CCSER1: variants seen among roughly 807,000 people sequenced by gnomAD.
CCSER1 encodes serine-rich coiled-coil domain-containing protein 1.
In CCSER1, 41 loss-of-function variants were observed where a neutral mutation model predicts 82.0. That is an observed-to-expected ratio of 0.50 (90% confidence interval 0.39 to 0.65). CCSER1 has a LOEUF of 0.65. CCSER1 is among the 30% of genes least tolerant of loss of function. The pLI, the probability that CCSER1 is intolerant of heterozygous loss-of-function variation, is 0.00. For synonymous variants in CCSER1, 414 were observed against 383.9 expected (o/e 1.08, Z -0.92); for missense variants, 1,119 against 1,064.2 (o/e 1.05, Z -0.72).
intron 6 of CCSER1, among the ~76,000 whole-genome samples, chr4:90,650,081 G>A (rs1293667612): frequency 2.6e-5 from 4 of 152,120 alleles, no homozygotes; most frequent in South Asian, 2.1e-4. Context: ...GCCGGGCATG[G>A]TGGCAGGCAC....
intron 1 of CCSER1, among the ~76,000 whole-genome samples, chr4:90,208,196 A>T (rs60201230): frequency 0.63 from 95,212 of 151,968 alleles, 31,541 homozygotes; most frequent in East Asian, 0.85. Context: ...GATGCCCTAC[A>T]CAGAGGGGAG....
intron 8 of CCSER1, among the ~76,000 whole-genome samples, chr4:90,865,802 G>A (rs1765660882): frequency 6.6e-6 from 1 of 151,558 alleles, no homozygotes; most frequent in Admixed American, 6.6e-5. Flanking sequence ...GCCTGTATTA[G>A]TCCATGCTTG....
chr4:91,498,047 A>C (rs563864667), intron 10 of CCSER1, among the ~76,000 whole-genome samples: 7 of 152,124 alleles, frequency 4.6e-5, no homozygotes, highest in Admixed American at 2.6e-4. Flanking sequence ...ATTAAGAAGC[A>C]CAGCTTCGCT....
At chr4:91,401,827 C>A (rs1306956185) in intron 10 of CCSER1, among the ~76,000 whole-genome samples, 1 of 152,098 alleles carries the variant, frequency 6.6e-6, no homozygotes, top group Non-Finnish European at 1.5e-5. Context: ...GGTTCCAAGT[C>A]TTTGCTATTG....
intron 5 of CCSER1, among the ~76,000 whole-genome samples, chr4:90,591,847 C>T (rs868371344): frequency 3.0e-4 from 45 of 152,244 alleles, no homozygotes; most frequent in African/African-American, 9.4e-4. Context: ...CGGAATGCCA[C>T]GCTGCCATAA....
intron 10 of CCSER1, among the ~76,000 whole-genome samples, chr4:91,269,213 T>A (rs927665055): frequency 2.0e-5 from 3 of 152,240 alleles, no homozygotes; most frequent in Non-Finnish European, 4.4e-5. Flanking sequence ...AGAGAGCTAA[T>A]ACTTTAATGT....
In CCSER1 at chr4:90,705,283, C is replaced by A. The variant is rs527788962; in HGVS notation, c.1933-18631C>A. ...GGTATCAGCAACAGAGGCTGCAGAA[C>A]AGCAAATATTGCTGAACAGCAAATG... On this transcript the variant is annotated intron_variant, in intron 6 of 10. Transcript: ENST00000509176. Among the ~76,000 whole-genome samples, 4 of 152,300 alleles carry A rather than the reference C, an allele frequency of 2.6e-5. No individual in the cohort carries two copies. In the South Asian group the frequency reaches 8.3e-4, roughly 32 times the overall value.
At chr4:90,935,844 C>G (rs1415849445) in intron 9 of CCSER1, among the ~76,000 whole-genome samples, 1 of 151,706 alleles carries the variant, frequency 6.6e-6, no homozygotes, top group East Asian at 1.9e-4. Context: ...ACACAATGTA[C>G]TATGTGGTTC....
At chr4:90,810,635 G>C (rs1385432863) in intron 7 of CCSER1, among the ~76,000 whole-genome samples, 8 of 145,148 alleles carry the variant, frequency 5.5e-5, no homozygotes, top group Non-Finnish European at 9.1e-5. Context: ...ACAAGAGCGA[G>C]ACTCCCTCTC....
rs576590840 is a variant in CCSER1, at chr4:91,310,623, CT to C, written c.2217+224635del. ...AATTCTGGTATTAGAATTAACACTC[CT>C]TTTTTGTTCTCTACCAAAATGGAGA... On this transcript the variant is annotated intron_variant, in intron 10 of 10. Coordinates refer to ENST00000509176, the MANE Select transcript of CCSER1 (RefSeq NM_001145065.2). 2.5e-4 allele frequency among the ~76,000 whole-genome samples: 38 copies of C among 151,962 alleles called. No individual in the cohort carries two copies. The South Asian group carries it at 4.6e-3, about 18-fold the overall frequency.
At chr4:90,608,580 C>T (rs1353637560) in intron 5 of CCSER1, among the ~76,000 whole-genome samples, 1 of 152,116 alleles carries the variant, frequency 6.6e-6, no homozygotes. Context: ...TCTTAGAATT[C>T]TGCCTCTTAT....
chr4:91,126,833 C>G (rs1279984104), intron 10 of CCSER1, among the ~76,000 whole-genome samples: 2 of 151,562 alleles, frequency 1.3e-5, no homozygotes, highest in African/African-American at 4.8e-5. Flanking sequence ...AGCAAGCACT[C>G]AACAAAAATC....
At chr4:90,424,308 T>A (rs1337595961) in intron 4 of CCSER1, among the ~76,000 whole-genome samples, 1 of 152,170 alleles carries the variant, frequency 6.6e-6, no homozygotes, top group Non-Finnish European at 1.5e-5. Flanking sequence ...TATTAATTCA[T>A]GTATCATTGC....
intron 5 of CCSER1, among the ~76,000 whole-genome samples, chr4:90,531,986 A>G (rs1330585236): frequency 6.6e-6 from 1 of 152,168 alleles, no homozygotes; most frequent in African/African-American, 2.4e-5. Flanking sequence ...CTAAATTCTT[A>G]GAATTTGATT....
At position 90,159,750 on chromosome 4, in the gene CCSER1, A is replaced by G. The variant is rs181893519; in HGVS notation, c.-42+31919A>G. On this transcript the variant is annotated intron_variant, in intron 1 of 10. Transcript: ENST00000509176. Reference sequence around the variant, plus strand: ...AGTTCTTTTGACTCAGGTGGTCAGTATTCTGTTCATTTTAATATAGTTACC... The same window carrying G: ...AGTTCTTTTGACTCAGGTGGTCAGTGTTCTGTTCATTTTAATATAGTTACC... Among the ~76,000 whole-genome samples, 18 of 152,262 alleles carry G rather than the reference A, an allele frequency of 1.2e-4. No homozygotes were observed. The East Asian group carries it at 2.5e-3, about 21-fold the overall frequency.
intron 10 of CCSER1, among the ~76,000 whole-genome samples, chr4:91,285,801 A>G (rs1223422721): frequency 6.6e-6 from 1 of 151,840 alleles, no homozygotes; most frequent in African/African-American, 2.4e-5. Flanking sequence ...CTCCTTGAGT[A>G]TTTGTAATTG....
chr4:90,151,731 A>G (rs1726893282), intron 1 of CCSER1, among the ~76,000 whole-genome samples: 1 of 152,096 alleles, frequency 6.6e-6, no homozygotes. Flanking sequence ...ATTCTTTTCC[A>G]TTTGTTCAGT....
chr4:90,809,756 G>A (rs779862404), intron 7 of CCSER1, among the ~76,000 whole-genome samples: 79 of 152,018 alleles, frequency 5.2e-4, no homozygotes, highest in Non-Finnish European at 1.0e-3. Flanking sequence ...GTTGGATGTG[G>A]TGGTGCATGC....
intron 9 of CCSER1, among the ~76,000 whole-genome samples, chr4:90,925,027 TA>T (rs1340848806): frequency 6.6e-6 from 1 of 152,128 alleles, no homozygotes; most frequent in African/African-American, 2.4e-5. Flanking sequence ...ACCCCCTGCC[TA>T]AAAATTTTTT....
Sources: gnomAD v4.1 joint callset for allele counts (sites outside exome capture counted in the v4.1 genomes callset) on GRCh38, gnomAD v4.1.1 for gene constraint, MANE v1.5 for transcripts, NCBI Gene and HGNC (gene_info 2026-07-23, HGNC 2026-07-21) for gene names.